Variants in CHCHD3 observed in about 807,000 individuals in gnomAD.
The protein encoded by CHCHD3 is MICOS complex subunit MIC19.
In CHCHD3, 20 loss-of-function variants were observed where a neutral mutation model predicts 38.2. The ratio of observed to expected loss-of-function variants is 0.52; its 90% CI spans 0.37 to 0.76. CHCHD3 has a LOEUF of 0.76. CHCHD3 is among the 30% of genes least tolerant of loss of function. CHCHD3 has a pLI of 0.00. For missense variants in CHCHD3, 245 were observed against 279.2 expected, an observed-to-expected ratio of 0.88 and a Z score of 0.87; for synonymous variants, 82 against 100.0, an observed-to-expected ratio of 0.82 and a Z score of 1.07.
At chr7:133,073,154 A>G (rs1168468403) in intron 1 of CHCHD3, among the ~76,000 whole-genome samples, 1 of 151,722 alleles carries the variant, frequency 6.6e-6, no homozygotes, top group Non-Finnish European at 1.5e-5. Context: ...AGCATCTAAC[A>G]CCTCTGGCCA....
At chr7:132,942,684 T>C (rs377696735) in intron 4 of CHCHD3, among the ~76,000 whole-genome samples, 2 of 152,194 alleles carry the variant, frequency 1.3e-5, no homozygotes, top group African/African-American at 4.8e-5. Flanking sequence ...AGACTGGTAT[T>C]ACAGACATGA....
intron 6 of CHCHD3, among the ~76,000 whole-genome samples, chr7:132,837,942 T>G (rs1235867626): frequency 6.6e-6 from 1 of 152,172 alleles, no homozygotes; most frequent in Non-Finnish European, 1.5e-5. Flanking sequence ...AGGTAAAGTC[T>G]ATGATTTAAA....
chr7:133,002,309 T>C (rs1262379768), intron 3 of CHCHD3, among the ~76,000 whole-genome samples: 2 of 152,222 alleles, frequency 1.3e-5, no homozygotes. Flanking sequence ...TTAACTTGGC[T>C]TCCTAACTGA....
intron 1 of CHCHD3, among the ~76,000 whole-genome samples, chr7:133,072,764 G>T (rs938685036): frequency 6.6e-6 from 1 of 151,606 alleles, no homozygotes; most frequent in Non-Finnish European, 1.5e-5. Flanking sequence ...GCGTGAACCC[G>T]GGAGGCAGAG....
At chr7:133,027,789 C>T (rs773381484) in intron 2 of CHCHD3, among the ~76,000 whole-genome samples, 1 of 152,132 alleles carries the variant, frequency 6.6e-6, no homozygotes, top group Non-Finnish European at 1.5e-5. Flanking sequence ...AGTATTAGAG[C>T]TCTTTATGAA....
At chr7:132,837,135 T>C (rs1295926873) in intron 6 of CHCHD3, among the ~76,000 whole-genome samples, 1 of 152,206 alleles carries the variant, frequency 6.6e-6, no homozygotes, top group South Asian at 2.1e-4. Flanking sequence ...CTAGTCAAAA[T>C]TGATCTCTAA....
At chr7:132,828,474 T>A (rs1412011894) in intron 6 of CHCHD3, among the ~76,000 whole-genome samples, 2 of 152,228 alleles carry the variant, frequency 1.3e-5, no homozygotes, top group African/African-American at 2.4e-5. Context: ...TAAAATTTTA[T>A]AAGGTCCAAT....
intron 3 of CHCHD3, among the ~76,000 whole-genome samples, chr7:132,988,502 T>C (rs748416819): frequency 8.5e-5 from 13 of 152,176 alleles, no homozygotes; most frequent in Non-Finnish European, 1.5e-4. Flanking sequence ...GTACTCTTTA[T>C]ATAATGATTA....
intron 4 of CHCHD3, among the ~76,000 whole-genome samples, chr7:132,898,698 G>A (rs891328030): frequency 2.0e-5 from 3 of 152,388 alleles, no homozygotes; most frequent in East Asian, 1.9e-4. Context: ...AGGAGCCCAC[G>A]GAGCGGGTGG....
At chr7:132,978,255 C>T (rs1811823983) in intron 3 of CHCHD3, among the ~76,000 whole-genome samples, 1 of 152,134 alleles carries the variant, frequency 6.6e-6, no homozygotes, top group Non-Finnish European at 1.5e-5. Flanking sequence ...TCTCCAAATT[C>T]ACTAACTACA....
At position 132,920,128 on chromosome 7, in the gene CHCHD3, G is replaced by T. The variant is rs141210564; in HGVS notation, c.370-34383C>A. Among the ~76,000 whole-genome samples the T allele has an allele frequency of 6.5e-3, 988 of 152,202 alleles. 11 individuals carry two copies. Among genetic ancestry groups the T allele is most frequent in the African/African-American group, 0.022 (917 of 41,512 alleles). ...AGGGCTGTATAAATGAATACACAAA[G>T]AACAAGAATTGTCACTCTAATGCTG... On this transcript the variant is annotated intron_variant, in intron 4 of 7. Coordinates refer to ENST00000262570, the MANE Select transcript of CHCHD3 (RefSeq NM_017812.4).
rs1440052609 is a variant in CHCHD3 at position 132,975,282 on chromosome 7, T to G, written c.256A>C (p.Lys86Gln). The G allele has an allele frequency of 6.2e-7, 1 of 1,612,212 alleles. No individual in the cohort carries two copies. Among genetic ancestry groups the G allele is most frequent in the Admixed American group, 1.7e-5 (1 of 59,964 alleles). The change falls in exon 4 of 8, where the codon AAG (lysine) becomes CAG (glutamine). Residue 86 changes from lysine (K) to glutamine (Q), a missense_variant. Transcript: ENST00000262570. ...TCTCGGTCCAGCTCTTTGGCTTGCT[T>G]TAGTCTAAAATGACAAGAATTGTCT... The part of the protein sequence containing the change: ...KKESEDQKRL[K>Q]QAKELDRERA...
intron 4 of CHCHD3, among the ~76,000 whole-genome samples, chr7:132,898,577 T>C (rs1028538157): frequency 5.9e-5 from 9 of 152,076 alleles, no homozygotes; most frequent in African/African-American, 1.7e-4. Flanking sequence ...GCAGGTGGAG[T>C]TGCCTGCCAG....
At chr7:132,998,429 T>C (rs1224021214) in intron 3 of CHCHD3, among the ~76,000 whole-genome samples, 1 of 152,168 alleles carries the variant, frequency 6.6e-6, no homozygotes, top group Non-Finnish European at 1.5e-5. Flanking sequence ...AACCTAAACT[T>C]GGAACTGGGG....
At chr7:133,033,147 G>A (rs1813547656) in intron 2 of CHCHD3, among the ~76,000 whole-genome samples, 1 of 152,162 alleles carries the variant, frequency 6.6e-6, no homozygotes, top group African/African-American at 2.4e-5. Context: ...TCTTGAGTTT[G>A]TGTGCTAAAT....
intron 2 of CHCHD3, among the ~76,000 whole-genome samples, chr7:133,046,783 T>G (rs1057318399): frequency 1.3e-4 from 20 of 152,270 alleles, no homozygotes; most frequent in African/African-American, 4.3e-4. Context: ...CAGGATGGTC[T>G]CAATCTCCTG....
At chr7:132,821,122 C>T (rs191111937) in intron 6 of CHCHD3, among the ~76,000 whole-genome samples, 2 of 152,112 alleles carry the variant, frequency 1.3e-5, no homozygotes, top group Non-Finnish European at 2.9e-5. Flanking sequence ...AAGAATTATC[C>T]TCTAGGGAAA....
At chr7:132,839,362 A>G (rs952983047) in intron 5 of CHCHD3, among the ~76,000 whole-genome samples, 4 of 152,208 alleles carry the variant, frequency 2.6e-5, no homozygotes. Context: ...CATAAACAAC[A>G]TAAACCAAGA....
chr7:132,858,884 A>G (rs1390324288), intron 5 of CHCHD3, among the ~76,000 whole-genome samples: 2 of 152,190 alleles, frequency 1.3e-5, no homozygotes, highest in Non-Finnish European at 2.9e-5. Flanking sequence ...AAACCTGACA[A>G]TAACTCCATC....
Sources: gnomAD v4.1 joint callset for allele counts (sites outside exome capture counted in the v4.1 genomes callset) on GRCh38, gnomAD v4.1.1 for gene constraint, MANE v1.5 for transcripts, NCBI Gene and HGNC (gene_info 2026-07-23, HGNC 2026-07-21) for gene names.